The following KCNK13 variants were observed in gnomAD, a reference collection of about 807,000 sequenced individuals.
The protein encoded by KCNK13 is potassium two pore domain channel subfamily K member 13.
In KCNK13, 12 loss-of-function variants were observed where a neutral mutation model predicts 23.4. The observed-to-expected ratio is 0.51, with a 90% CI of 0.33 to 0.83. The LOEUF (loss-of-function observed/expected upper bound fraction) is 0.83, where lower values mean the gene tolerates loss of function less well. Among genes scored for constraint, KCNK13 ranks in the 40% least tolerant of loss-of-function variants. The pLI, the probability that KCNK13 is intolerant of heterozygous loss-of-function variation, is 0.02. For missense variants in KCNK13, 463 were observed against 556.3 expected (o/e 0.83, Z 1.69); for synonymous variants, 231 against 229.5 (o/e 1.01, Z -0.06).
chr14:90,143,828 T>C (rs1037352858), intron 1 of KCNK13, among the ~76,000 whole-genome samples: 5 of 152,208 alleles, frequency 3.3e-5, no homozygotes, highest in African/African-American at 1.2e-4. Flanking sequence ...GTTTGCCTTA[T>C]TGAACATAAT....
chr14:90,145,013 T>C (rs75400639), intron 1 of KCNK13, among the ~76,000 whole-genome samples: 9,744 of 152,234 alleles, frequency 0.064, 407 homozygotes, highest in South Asian at 0.21. Context: ...CATGAATGGA[T>C]GTTGGATTTT....
At chr14:90,085,766 T>TATTATAG (rs1163062929) in intron 1 of KCNK13, among the ~76,000 whole-genome samples, 1 of 120,714 alleles carries the variant, frequency 8.3e-6, no homozygotes, top group Non-Finnish European at 1.7e-5. Context: ...ATATATTATA[T>TATTATAG]AAATTATATA....
At chr14:90,141,366 T>G (rs929092422) in intron 1 of KCNK13, among the ~76,000 whole-genome samples, 1 of 152,242 alleles carries the variant, frequency 6.6e-6, no homozygotes, top group African/African-American at 2.4e-5. Context: ...TGCATACAAA[T>G]ACATGCATTC....
chr14:90,132,272 A>G (rs1184872430), intron 1 of KCNK13, among the ~76,000 whole-genome samples: 1 of 152,152 alleles, frequency 6.6e-6, no homozygotes, highest in Admixed American at 6.5e-5. Flanking sequence ...GGCTGGGTGC[A>G]GTGGCTCAAG....
At chr14:90,068,585 T>C (rs1030743779) in intron 1 of KCNK13, among the ~76,000 whole-genome samples, 1 of 152,020 alleles carries the variant, frequency 6.6e-6, no homozygotes, top group Non-Finnish European at 1.5e-5. Context: ...GCCTGGGCAA[T>C]AGGGCAAGAC....
At position 90,080,251 on chromosome 14, in the gene KCNK13, C is replaced by T. The variant is rs536165522; in HGVS notation, c.334+17712C>T. Among the ~76,000 whole-genome samples the T allele has an allele frequency of 3.3e-5, 5 of 152,078 alleles. No individual in the cohort carries two copies. The South Asian group carries it at 8.3e-4, about 25-fold the overall frequency. On this transcript the variant is annotated intron_variant, in intron 1 of 1. Transcript: ENST00000282146. ...GGCGCATCACCTGAGGTCAGGAGTT[C>T]GAGACCAGCCTGGCCAACATGGTGA...
intron 1 of KCNK13, among the ~76,000 whole-genome samples, chr14:90,142,900 A>G (rs1215628014): frequency 6.6e-6 from 1 of 152,256 alleles, no homozygotes; most frequent in African/African-American, 2.4e-5. Context: ...GACAAGACAC[A>G]GGAAAAGGAC....
In KCNK13 at chr14:90,185,062, G is replaced by T; in HGVS notation, c.*59G>T. 1 of 1,420,900 alleles carries T rather than the reference G, an allele frequency of 7.0e-7. No homozygotes were observed. Among genetic ancestry groups the T allele is most frequent in the African/African-American group, 1.4e-5 (1 of 70,400 alleles). 88.0% of individuals were successfully genotyped at this position (1,420,900 alleles called of 1,614,324 possible). ...TAGAATGGAGGATGATTGCCGCCCA[G>T]GGGACGAGCTCAGCCCTGCGCCTTG... On this transcript the variant is annotated 3_prime_UTR_variant, in exon 2 of 2. Coordinates refer to ENST00000282146, the MANE Select transcript of KCNK13 (RefSeq NM_022054.4).
Position 90,095,902 on chromosome 14 carries a change from C to T in KCNK13, c.334+33363C>T, listed in dbSNP as rs534364394. ...TGCTTCTGACTGACTGGCAATAAAT[C>T]GGGTCCCACAGCTCCCTCCTTGGGT... On this transcript the variant is annotated intron_variant, in intron 1 of 1. Transcript: ENST00000282146. 2.6e-5 allele frequency among the ~76,000 whole-genome samples: 4 copies of T among 152,138 alleles called. No homozygotes were observed. In the East Asian group the frequency reaches 5.8e-4, roughly 22 times the overall value.
intron 1 of KCNK13, among the ~76,000 whole-genome samples, chr14:90,087,207 A>T (rs1443574061): frequency 1.4e-5 from 2 of 146,284 alleles, no homozygotes; most frequent in African/African-American, 2.5e-5. Context: ...GCTGGTCTCA[A>T]ACTCCTGGGC....
chr14:90,080,455 C>G (rs1566947887), intron 1 of KCNK13, among the ~76,000 whole-genome samples: 1 of 151,468 alleles, frequency 6.6e-6, no homozygotes, highest in Non-Finnish European at 1.5e-5. Flanking sequence ...GACTCCATCT[C>G]AAATAAATAA....
chr14:90,108,080 T>C (rs1284429630), intron 1 of KCNK13: 9 of 512,946 alleles, frequency 1.8e-5, no homozygotes, highest in East Asian at 8.0e-5. Flanking sequence ...GTGGATGAAT[T>C]TGGGGGGCAC....
At chr14:90,167,004 C>A (rs1299694563) in intron 1 of KCNK13, among the ~76,000 whole-genome samples, 1 of 152,180 alleles carries the variant, frequency 6.6e-6, no homozygotes, top group Non-Finnish European at 1.5e-5. Flanking sequence ...TGCACTAGCA[C>A]CCAGGCCCTA....
chr14:90,083,326 T>C (rs1445076788), intron 1 of KCNK13, among the ~76,000 whole-genome samples: 1 of 152,242 alleles, frequency 6.6e-6, no homozygotes, highest in Non-Finnish European at 1.5e-5. Context: ...TTTAGTGTCA[T>C]ATTGTAAGAA....
At chr14:90,107,640 G>A in intron 1 of KCNK13, 1 of 632,030 alleles carries the variant, frequency 1.6e-6, no homozygotes, top group Non-Finnish European at 2.9e-6. Flanking sequence ...ACCTACAACT[G>A]AGGATTCTTC....
intron 1 of KCNK13, among the ~76,000 whole-genome samples, chr14:90,165,238 G>A (rs1890290335): frequency 6.6e-6 from 1 of 152,180 alleles, no homozygotes; most frequent in Non-Finnish European, 1.5e-5. Flanking sequence ...TTTGGGCGGG[G>A]ACACGGCCAA....
intron 1 of KCNK13, among the ~76,000 whole-genome samples, chr14:90,166,702 T>A (rs1890307469): frequency 7.1e-6 from 1 of 140,754 alleles, no homozygotes; most frequent in Non-Finnish European, 1.5e-5. Flanking sequence ...CAAGACTCTG[T>A]CTCAAAAAAA....
intron 1 of KCNK13, among the ~76,000 whole-genome samples, chr14:90,180,377 G>T (rs940313552): frequency 6.6e-6 from 1 of 152,004 alleles, no homozygotes. Context: ...GCATTATGGG[G>T]CTCAAAAAAG....
chr14:90,146,823 TTCTA>T (rs1310648480), intron 1 of KCNK13, among the ~76,000 whole-genome samples: 2 of 152,152 alleles, frequency 1.3e-5, no homozygotes, highest in African/African-American at 4.8e-5. Context: ...TTTTATCTTT[TTCTA>T]TCTATTATTT....
Sources: allele counts gnomAD v4.1 joint callset (sites outside exome capture counted in the v4.1 genomes callset), GRCh38; gene constraint gnomAD v4.1.1; transcripts MANE v1.5; gene names NCBI Gene and HGNC (gene_info 2026-07-23, HGNC 2026-07-21).